DACH1: variants seen among roughly 807,000 people sequenced by gnomAD.
The protein encoded by DACH1 is dachshund homolog 1.
In DACH1, 12 loss-of-function variants were observed where a neutral mutation model predicts 54.2. The observed-to-expected ratio is 0.22, with a 90% CI of 0.14 to 0.36. The LOEUF is 0.36. DACH1 is among the 10% of genes least tolerant of loss of function. The pLI is 1.00. For missense variants in DACH1, 805 were observed against 929.8 expected (o/e 0.87, Z 1.75); for synonymous variants, 386 against 366.2 (o/e 1.05, Z -0.62).
chr13:71,459,580 G>T (rs1268760993), intron 10 of DACH1, among the ~76,000 whole-genome samples: 4 of 151,778 alleles, frequency 2.6e-5, no homozygotes, highest in African/African-American at 9.7e-5. Context: ...TCAGATAGTG[G>T]TATACAAAGG....
intron 1 of DACH1, among the ~76,000 whole-genome samples, chr13:71,770,433 C>T (rs1046070663): frequency 1.5e-4 from 23 of 151,508 alleles, no homozygotes; most frequent in African/African-American, 5.3e-4. Flanking sequence ...TGAAATTATC[C>T]ATCATTCTGC....
At chr13:71,759,950 C>T (rs1321225816) in intron 1 of DACH1, among the ~76,000 whole-genome samples, 2 of 152,086 alleles carry the variant, frequency 1.3e-5, no homozygotes, top group Admixed American at 1.3e-4. Context: ...TTTCTTAAAG[C>T]GACTTGTTAT....
chr13:71,508,818 T>C (rs1880534125), intron 6 of DACH1, among the ~76,000 whole-genome samples: 1 of 152,132 alleles, frequency 6.6e-6, no homozygotes, highest in Non-Finnish European at 1.5e-5. Flanking sequence ...TTTATCTACA[T>C]GTCCTCACCC....
At chr13:71,813,519 G>C (rs1887799195) in intron 1 of DACH1, among the ~76,000 whole-genome samples, 1 of 152,154 alleles carries the variant, frequency 6.6e-6, no homozygotes, top group Admixed American at 6.5e-5. Context: ...TAATGAGGTT[G>C]CCTTTCTTCA....
chr13:71,749,631 T>A (rs1328333870), intron 1 of DACH1, among the ~76,000 whole-genome samples: 1 of 152,144 alleles, frequency 6.6e-6, no homozygotes, highest in African/African-American at 2.4e-5. Context: ...TTACAGGCAT[T>A]CCCTTAAGTG....
At chr13:71,674,505 G>A (rs1210626648) in intron 2 of DACH1, among the ~76,000 whole-genome samples, 3 of 150,526 alleles carry the variant, frequency 2.0e-5, no homozygotes, top group African/African-American at 2.4e-5. Context: ...TTACCACAGA[G>A]TCAGAAATTG....
intron 1 of DACH1, among the ~76,000 whole-genome samples, chr13:71,757,042 A>G (rs1355057771): frequency 6.6e-6 from 1 of 152,180 alleles, no homozygotes; most frequent in Non-Finnish European, 1.5e-5. Flanking sequence ...AAACATGAGA[A>G]ATATGTATTA....
At chr13:71,674,738 C>CCAA (rs1880440952) in intron 2 of DACH1, among the ~76,000 whole-genome samples, 1 of 500 alleles carries the variant, frequency 2.0e-3, no homozygotes, top group Non-Finnish European at 4.3e-3. Context: ...GCACAGGAAA[C>CCAA]TAATAAATTG....
At chr13:71,717,639 T>C (rs149152009) in intron 1 of DACH1, among the ~76,000 whole-genome samples, 4 of 152,202 alleles carry the variant, frequency 2.6e-5, no homozygotes, top group Admixed American at 6.6e-5. Flanking sequence ...TAATTTAAAT[T>C]GTCCATTTCG....
intron 4 of DACH1, among the ~76,000 whole-genome samples, chr13:71,571,358 G>A (rs1885183501): frequency 6.6e-6 from 1 of 152,150 alleles, no homozygotes; most frequent in Admixed American, 6.5e-5. Context: ...ACTTTAATGA[G>A]TGAGGCAATC....
intron 10 of DACH1, among the ~76,000 whole-genome samples, chr13:71,473,578 G>A (rs1261689384): frequency 6.6e-6 from 1 of 152,138 alleles, no homozygotes; most frequent in African/African-American, 2.4e-5. Context: ...CAACCAACAT[G>A]TTGTTATGGG....
At chr13:71,674,841 G>T (rs910235919) in intron 2 of DACH1, among the ~76,000 whole-genome samples, 4 of 127,324 alleles carry the variant, frequency 3.1e-5, no homozygotes, top group Non-Finnish European at 6.8e-5. Flanking sequence ...AAAGTACAAA[G>T]GGAACATGTA....
chr13:71,671,990 C>T (rs1238799100), intron 2 of DACH1, among the ~76,000 whole-genome samples: 1 of 152,078 alleles, frequency 6.6e-6, no homozygotes, highest in Non-Finnish European at 1.5e-5. Context: ...TAAGACTAAA[C>T]ATCACCATCA....
chr13:71,708,852 G>GT (rs11322352), intron 1 of DACH1, among the ~76,000 whole-genome samples: 75,813 of 120,370 alleles, frequency 0.63, 28,774 homozygotes, highest in Non-Finnish European at 0.84. Flanking sequence ...GTTTTTTGTT[G>GT]TTTTTTTTTT....
chr13:71,600,535 A>G (rs1325414981), intron 3 of DACH1, among the ~76,000 whole-genome samples: 2 of 152,010 alleles, frequency 1.3e-5, no homozygotes, highest in Non-Finnish European at 2.9e-5. Flanking sequence ...GTATACATGC[A>G]TATTTATATA....
intron 1 of DACH1, among the ~76,000 whole-genome samples, chr13:71,734,102 G>GTA (rs199987472): frequency 5.7e-4 from 83 of 145,520 alleles, no homozygotes; most frequent in Middle Eastern, 3.6e-3. Context: ...ATGTGTGTGT[G>GTA]TATATATATA....
intron 1 of DACH1, among the ~76,000 whole-genome samples, chr13:71,856,336 G>C (rs1257749957): frequency 6.6e-6 from 1 of 151,874 alleles, no homozygotes; most frequent in African/African-American, 2.4e-5. Flanking sequence ...GTTCAAATCT[G>C]CATGTACCAT....
Position 71,499,131 on chromosome 13 carries a change from A to G in DACH1, c.1571-9983T>C, listed in dbSNP as rs528553771. ...CACGCGCACACACACACACACACAC[A>G]CGCAGACACACACACACACACACAC... On this transcript the variant is annotated intron_variant, in intron 6 of 10. Coordinates refer to ENST00000613252, the MANE Select transcript of DACH1 (RefSeq NM_080759.6). Among the ~76,000 whole-genome samples the G allele has an allele frequency of 8.3e-5, 4 of 48,132 alleles. No homozygotes were observed. The South Asian group carries it at 7.8e-3, about 94-fold the overall frequency. 31.6% of individuals were successfully genotyped at this position (48,132 alleles called of 152,430 possible).
chr13:71,447,826 A>C (rs79379595), intron 10 of DACH1, among the ~76,000 whole-genome samples: 1 of 151,830 alleles, frequency 6.6e-6, no homozygotes, highest in African/African-American at 2.4e-5. Context: ...AAAAAAAAAA[A>C]CCCACTCACA....
Sources: allele counts gnomAD v4.1 joint callset (sites outside exome capture counted in the v4.1 genomes callset), GRCh38; gene constraint gnomAD v4.1.1; transcripts MANE v1.5; gene names NCBI Gene and HGNC (gene_info 2026-07-23, HGNC 2026-07-21).